The following PUF60 variants were observed in gnomAD, a reference collection of about 807,000 sequenced individuals.
PUF60 encodes the protein poly(U) binding splicing factor 60, also known as poly(U)-binding-splicing factor PUF60.
In PUF60, 10 loss-of-function variants were observed where a neutral mutation model predicts 61.8. That is an observed-to-expected ratio of 0.16 (90% confidence interval 0.10 to 0.27). The LOEUF is 0.27. Ranked by LOEUF, PUF60 falls within the 10% of genes least tolerant of loss-of-function variation. PUF60 has a pLI of 1.00. For synonymous variants in PUF60, 353 were observed against 300.9 expected, an observed-to-expected ratio of 1.17 and a Z score of -1.79; for missense variants, 371 against 754.0, an observed-to-expected ratio of 0.49 and a Z score of 5.95.
In PUF60 at chr8:143,816,346, G is replaced by A. The variant is rs1816269322; in HGVS notation, c.*174C>T. 7.1e-6 allele frequency: 5 copies of A among 706,722 alleles called. No individual in the cohort carries two copies. Among genetic ancestry groups the A allele is most frequent in the Non-Finnish European group, 9.2e-6 (4 of 435,398 alleles). The allele number at this position is 706,722 out of a possible 1,614,324, so 43.8% of individuals were successfully genotyped here. On this transcript the variant is annotated 3_prime_UTR_variant, in exon 12 of 12. Coordinates refer to ENST00000526683, the MANE Select transcript of PUF60 (RefSeq NM_078480.3). ...CCCCTAAGGACACACGCCCAGGATC[G>A]GTGACAGGACCGACGGCAGACACAC...
intron 4 of PUF60, among the ~76,000 whole-genome samples, 159 bp from the exon 5 acceptor site, chr8:143,820,875 G>C (rs538551889): frequency 6.6e-6 from 1 of 152,194 alleles, no homozygotes; most frequent in Non-Finnish European, 1.5e-5. Flanking sequence ...TGCCCAGGGG[G>C]GCCGCAGCGC....
chr8:143,827,392 G>T (rs953158693), intron 1 of PUF60: 2 of 456,268 alleles, frequency 4.4e-6, no homozygotes, highest in South Asian at 1.5e-5. Flanking sequence ...TACCCTTGCT[G>T]CAAAGAGGCA....
Position 143,817,277 on chromosome 8 carries a change from G to A in PUF60, c.1144+54C>T. On this transcript the variant is annotated intron_variant, in intron 10 of 11. Transcript: ENST00000526683. The surrounding 1 kb of genome is among the most constrained non-coding windows in gnomAD (Gnocchi z 7.4). Reference sequence around the variant, plus strand: ...AGGGCCAGGCAGCTGAGGGCAGCGAGCCGAGAGATGCCAGGACAGGAGAGG... The same window carrying A: ...AGGGCCAGGCAGCTGAGGGCAGCGAACCGAGAGATGCCAGGACAGGAGAGG... 1 of 1,554,718 alleles carries A rather than the reference G, an allele frequency of 6.4e-7. No homozygotes were observed. The highest frequency in any genetic ancestry group is 8.7e-7 in the Non-Finnish European group (1 of 1,153,386).
At chr8:143,824,224 C>A in intron 2 of PUF60, 89 bp downstream of exon 2, 1 of 1,364,134 alleles carries the variant, frequency 7.3e-7, no homozygotes, top group Non-Finnish European at 1.0e-6. Context: ...CCCCAGCCAG[C>A]CCTCTCTGGG....
Position 143,817,007 on chromosome 8 carries a change from G to A in PUF60, c.1283C>T (p.Ser428Leu). Residue 428 changes from serine (S) to leucine (L), a missense_variant, in exon 11 of 12, where the codon TCA (serine) becomes TTA (leucine). Around this residue, in one of 13 missense-constraint regions of PUF60, gnomAD observed 68 missense variants for 69.4 expected, o/e 0.98. Transcript: ENST00000526683. This position sits in a 1 kb window ranked among gnomAD's most constrained non-coding sequence, Gnocchi z 7.4. ...EKEEEELFPE[S>L]ERPEMLSEQE... The stretch of plus-strand genomic sequence containing the variant: ...CTCGCTCAGCATCTCTGGCCGCTCT[G>A]ACTCGGGAAACAGCTCCTCTTCTTC... 1 of 1,608,314 alleles carries A rather than the reference G, an allele frequency of 6.2e-7. No individual in the cohort carries two copies. Among genetic ancestry groups the A allele is most frequent in the Non-Finnish European group, 8.5e-7 (1 of 1,177,582 alleles).
At chr8:143,821,131 C>G (rs1816967312) in intron 4 of PUF60, among the ~76,000 whole-genome samples, 1 of 152,244 alleles carries the variant, frequency 6.6e-6, no homozygotes, top group East Asian at 1.9e-4. Context: ...GAGCAGGGCC[C>G]CAAGGGAGGT....
In PUF60 at chr8:143,817,743, GA is replaced by G. The variant is rs753118247; in HGVS notation, c.856del (p.Ser286ProfsTer2). 1 of 1,612,568 alleles carries G rather than the reference GA, an allele frequency of 6.2e-7. No homozygotes were observed. Among genetic ancestry groups the G allele is most frequent in the Admixed American group, 1.7e-5 (1 of 59,978 alleles). ...GCCACCCAGGTCAAAGAGGTTCATGGAAGACACAGCATCTTGGGACGACTGG... is the reference window on the plus strand; with the variant it reads ...GCCACCCAGGTCAAAGAGGTTCATGGAGACACAGCATCTTGGGACGACTGG... ...KAQSSQDAVS[S>X]MNLFDLGGQY... On this transcript the variant is annotated frameshift_variant, in exon 9 of 12. Transcript: ENST00000526683. LOFTEE classifies it high-confidence loss of function. This position sits in a 1 kb window ranked among gnomAD's most constrained non-coding sequence, Gnocchi z 7.4.
At position 143,816,994 on chromosome 8, in the gene PUF60, C is replaced by T. The variant is rs374987181; in HGVS notation, c.1296G>A (p.Glu432=). The T allele has an allele frequency of 2.6e-5, 42 of 1,606,250 alleles. No individual in the cohort carries two copies. The highest frequency in any genetic ancestry group is 2.5e-5 in the Non-Finnish European group (29 of 1,176,682). Residue 432 remains glutamate, a synonymous_variant, in exon 11 of 12, where the codon GAG becomes GAA. Coordinates refer to ENST00000526683, the MANE Select transcript of PUF60 (RefSeq NM_078480.3). The part of the protein sequence containing the change: ...EELFPESERP[E]MLSEQEHMSI... ...TCATGTGCTCCTGCTCGCTCAGCAT[C>T]TCTGGCCGCTCTGACTCGGGAAACA... is the stretch of plus-strand genomic sequence containing the variant.
intron 1 of PUF60, among the ~76,000 whole-genome samples, chr8:143,828,034 T>C (rs1275538443): frequency 6.6e-6 from 1 of 152,176 alleles, no homozygotes; most frequent in Admixed American, 6.5e-5. Flanking sequence ...ATCCTTTCTC[T>C]CTGGAGTGCC....
In PUF60 at chr8:143,826,965, A is replaced by G. The variant is rs138515460; in HGVS notation, c.24+2315T>C. 18 of 203,434 alleles carry G rather than the reference A, an allele frequency of 8.8e-5. No homozygotes were observed. The East Asian group carries it at 1.7e-3, about 19-fold the overall frequency. The allele number at this position is 203,434 out of a possible 1,614,324, so 12.6% of individuals were successfully genotyped here. A position where few individuals can be genotyped will look rare whatever the true frequency, so the allele number is the denominator to read the frequency against. On this transcript the variant is annotated intron_variant, in intron 1 of 11. Coordinates refer to ENST00000526683, the MANE Select transcript of PUF60 (RefSeq NM_078480.3). ...ACATCCAGTGTCAGATACCCAGGGC[A>G]GAGCTGGCTGCAGGACACTGCCTTC...
At position 143,817,297 on chromosome 8, in the gene PUF60, G is replaced by C; in HGVS notation, c.1144+34C>G. On this transcript the variant is annotated intron_variant, in intron 10 of 11. Transcript: ENST00000526683. This position sits in a 1 kb window ranked among gnomAD's most constrained non-coding sequence, Gnocchi z 7.4. ...AGCGAGCCGAGAGATGCCAGGACAG[G>C]AGAGGAGAGGATCTGGTACCACTTA... The C allele has an allele frequency of 6.4e-7, 1 of 1,571,626 alleles. No individual in the cohort carries two copies. Among genetic ancestry groups the C allele is most frequent in the Non-Finnish European group, 8.6e-7 (1 of 1,162,342 alleles).
chr8:143,818,209 C>G lies in PUF60; in HGVS notation c.587G>C (p.Gly196Ala). ...CTGCCTCACCTTGATGTTCCTGCCC[C>G]CCAGCATCACCGAGTTCATCTGCTC... Reference protein sequence around the residue: ...ALEQMNSVMLGGRNIKVGRPS... With the variant: ...ALEQMNSVMLAGRNIKVGRPS... Residue 196 changes from glycine to alanine, a missense_variant, in exon 7 of 12, where the codon GGG becomes GCG. By Grantham distance (60) the Gly-to-Ala change is moderately conservative (BLOSUM62 0). This residue lies in a region of PUF60 where 31 missense variants were observed against 80.6 expected (regional missense o/e 0.38). Transcript: ENST00000526683. This position sits in a 1 kb window ranked among gnomAD's most constrained non-coding sequence, Gnocchi z 7.9. 6.2e-7 allele frequency: 1 copy of G among 1,611,146 alleles called. No individual in the cohort carries two copies. The highest frequency in any genetic ancestry group is 8.5e-7 in the Non-Finnish European group (1 of 1,179,192).
Position 143,818,839 on chromosome 8 carries a change from A to AC in PUF60, c.349-306dup, listed in dbSNP as rs1426395417. On this transcript the variant is annotated intron_variant, in intron 5 of 11. Transcript: ENST00000526683. This position sits in a 1 kb window ranked among gnomAD's most constrained non-coding sequence, Gnocchi z 7.9. ...CAGGGCTGTGCGCCCTCCCACCCAG[A>AC]CCACCCCTCCAGTCTGGGGGCTGGG... 2.5e-6 allele frequency: 1 copy of AC among 402,298 alleles called. No homozygotes were observed. The highest frequency in any genetic ancestry group is 4.5e-6 in the Non-Finnish European group (1 of 224,294). The allele number at this position is 402,298 out of a possible 1,614,324, so 24.9% of individuals were successfully genotyped here. A position where few individuals can be genotyped will look rare whatever the true frequency, so the allele number is the denominator to read the frequency against.
intron 2 of PUF60, among the ~76,000 whole-genome samples, chr8:143,823,912 T>A (rs746264669): frequency 3.9e-4 from 59 of 152,348 alleles, no homozygotes; most frequent in Admixed American, 1.1e-3. Flanking sequence ...AACACAGAGG[T>A]CTGAAATGAA....
chr8:143,821,786 C>G, intron 3 of PUF60, 32 bp downstream of exon 3: 1 of 1,593,124 alleles, frequency 6.3e-7, no homozygotes, highest in Non-Finnish European at 8.6e-7. Flanking sequence ...GACTGTCCCA[C>G]ACCTGCAGTG....
At position 143,824,256 on chromosome 8, in the gene PUF60, G is replaced by GGGCA. The variant is rs1305469665; in HGVS notation, c.111+56_111+57insTGCC. 1.2e-5 allele frequency: 17 copies of GGGCA among 1,398,146 alleles called. No individual in the cohort carries two copies. In the Admixed American group the frequency reaches 3.6e-4, roughly 30 times the overall value. 86.6% of individuals were successfully genotyped at this position (1,398,146 alleles called of 1,614,324 possible). On this transcript the variant is annotated intron_variant, in intron 2 of 11. Coordinates refer to ENST00000526683, the MANE Select transcript of PUF60 (RefSeq NM_078480.3). Reference sequence around the variant, plus strand: ...TGGGCCCAGGGACGCACAGGCAGGCGGGCGGGCGGGCGGGCAGGCGGGCGG... The same window carrying GGGCA: ...TGGGCCCAGGGACGCACAGGCAGGCGGGCAGGCGGGCGGGCGGGCAGGCGGGCGG...
intron 5 of PUF60, chr8:143,820,461 G>C: frequency 1.6e-6 from 1 of 627,788 alleles, no homozygotes. Flanking sequence ...TGGGCCCTCA[G>C]AGCAGATGGA....
At chr8:143,824,245 C>T in intron 2 of PUF60, 68 bp downstream of exon 2, 1 of 1,469,868 alleles carries the variant, frequency 6.8e-7, no homozygotes, top group Non-Finnish European at 9.2e-7. Flanking sequence ...CCCAGGGACG[C>T]ACAGGCAGGC....
chr8:143,827,211 T>C (rs995708294), intron 1 of PUF60: 3 of 363,448 alleles, frequency 8.3e-6, no homozygotes, highest in African/African-American at 6.4e-5. Context: ...CTATGAGCTA[T>C]GCCAGGCCAT....
Sources: allele counts gnomAD v4.1 joint callset (sites outside exome capture counted in the v4.1 genomes callset), GRCh38; gene constraint gnomAD v4.1.1; regional missense constraint gnomAD v4.1.1; non-coding constraint Gnocchi (gnomAD v3.1); transcripts MANE v1.5; gene names NCBI Gene and HGNC (gene_info 2026-07-23, HGNC 2026-07-21).